PRKCE: variants seen among roughly 807,000 people sequenced by gnomAD.
PRKCE encodes the protein protein kinase C epsilon type.
PRKCE carries 16 observed loss-of-function variants against 85.4 expected under a neutral mutation model. That is an observed-to-expected ratio of 0.19 (90% confidence interval 0.13 to 0.28). The LOEUF is 0.28. Ranked by LOEUF, PRKCE falls within the 10% of genes least tolerant of loss-of-function variation. The pLI is 1.00. For synonymous variants in PRKCE, 388 were observed against 371.5 expected (o/e 1.04, Z -0.51); for missense variants, 573 against 975.2 (o/e 0.59, Z 5.49).
chr2:46,066,062 A>C (rs1667598132), intron 10 of PRKCE, among the ~76,000 whole-genome samples: 1 of 152,242 alleles, frequency 6.6e-6, no homozygotes, highest in South Asian at 2.1e-4. Context: ...CTGACAGTCC[A>C]ACTGTCATTT....
chr2:45,985,875 T>C (rs1286225515), intron 6 of PRKCE, among the ~76,000 whole-genome samples: 1 of 152,374 alleles, frequency 6.6e-6, no homozygotes, highest in East Asian at 1.9e-4. Context: ...TTGGACATTC[T>C]CACTGACAGT....
intron 2 of PRKCE, among the ~76,000 whole-genome samples, chr2:45,930,566 T>C (rs1002642004): frequency 6.6e-6 from 1 of 152,206 alleles, no homozygotes; most frequent in Admixed American, 6.5e-5. Flanking sequence ...CACCTTCCAA[T>C]TGGAATGCCT....
chr2:45,941,310 G>A (rs1326761685), intron 2 of PRKCE, among the ~76,000 whole-genome samples: 1 of 152,164 alleles, frequency 6.6e-6, no homozygotes, highest in African/African-American at 2.4e-5. Context: ...AGAGCTTAGT[G>A]ATCTGGGCAT....
chr2:46,097,362 C>CAA (rs200124135), intron 11 of PRKCE, among the ~76,000 whole-genome samples: 13 of 151,070 alleles, frequency 8.6e-5, no homozygotes, highest in Non-Finnish European at 4.4e-5. Flanking sequence ...ACTAAATATA[C>CAA]AAAAAAAATT....
intron 1 of PRKCE, among the ~76,000 whole-genome samples, chr2:45,668,879 G>A (rs1035908891): frequency 2.6e-5 from 4 of 152,120 alleles, no homozygotes; most frequent in African/African-American, 7.2e-5. Flanking sequence ...CGGCCCTTTC[G>A]TATACAGTTT....
chr2:45,717,378 A>G (rs1311613298), intron 1 of PRKCE, among the ~76,000 whole-genome samples: 1 of 152,098 alleles, frequency 6.6e-6, no homozygotes, highest in African/African-American at 2.4e-5. Flanking sequence ...TCAATCATCT[A>G]TCTCCCTACC....
Position 46,187,028 on chromosome 2 carries a change from G to T in PRKCE, c.*2147G>T, listed in dbSNP as rs1680495535. On this transcript the variant is annotated 3_prime_UTR_variant, in exon 15 of 15. Transcript: ENST00000306156. ...TGGAGAGAGACTATCTTCTGGAGTT[G>T]AGTACAAGCACAGAAACATCTTTAC... 1 of 152,612 alleles carries T rather than the reference G, an allele frequency of 6.6e-6. No homozygotes were observed. Among genetic ancestry groups the T allele is most frequent in the South Asian group, 2.1e-4 (1 of 4,826 alleles). 9.5% of individuals were successfully genotyped at this position (152,612 alleles called of 1,614,324 possible).
chr2:46,090,410 C>A (rs1670052192), intron 11 of PRKCE, among the ~76,000 whole-genome samples: 1 of 152,032 alleles, frequency 6.6e-6, no homozygotes, highest in Admixed American at 6.6e-5. Context: ...TTGCTTGTTC[C>A]CTCTGCCACC....
chr2:45,684,362 A>G (rs1012145869), intron 1 of PRKCE, among the ~76,000 whole-genome samples: 3 of 152,174 alleles, frequency 2.0e-5, no homozygotes, highest in Non-Finnish European at 4.4e-5. Flanking sequence ...GCTGGGGAGG[A>G]TCAGGGCTAT....
At chr2:46,140,667 T>G (rs1023664474) in intron 11 of PRKCE, among the ~76,000 whole-genome samples, 13 of 152,066 alleles carry the variant, frequency 8.5e-5, no homozygotes, top group African/African-American at 2.9e-4. Flanking sequence ...ATATAAAACA[T>G]CAGTTCAATT....
At chr2:45,924,324 T>G (rs149265707) in intron 2 of PRKCE, among the ~76,000 whole-genome samples, 7 of 152,346 alleles carry the variant, frequency 4.6e-5, no homozygotes, top group African/African-American at 1.7e-4. Context: ...AATAAATCCT[T>G]GCGCCAATTT....
chr2:46,093,229 G>A (rs1213141335), intron 11 of PRKCE, among the ~76,000 whole-genome samples: 1 of 152,196 alleles, frequency 6.6e-6, no homozygotes, highest in Non-Finnish European at 1.5e-5. Flanking sequence ...GGGCCTTGGA[G>A]ACTGCATAAT....
chr2:46,128,838 C>T (rs1674126052), intron 11 of PRKCE, among the ~76,000 whole-genome samples: 1 of 152,166 alleles, frequency 6.6e-6, no homozygotes, highest in South Asian at 2.1e-4. Context: ...GAGAGACCAC[C>T]AGAGAGTGAC....
At chr2:46,135,409 G>T (rs1674869431) in intron 11 of PRKCE, among the ~76,000 whole-genome samples, 1 of 152,186 alleles carries the variant, frequency 6.6e-6, no homozygotes, top group South Asian at 2.1e-4. Context: ...CTCACCACCT[G>T]TGTGTCCTGG....
chr2:45,871,822 C>T (rs142191703), intron 2 of PRKCE, among the ~76,000 whole-genome samples: 3 of 152,304 alleles, frequency 2.0e-5, no homozygotes, highest in East Asian at 3.9e-4. Flanking sequence ...TTCTTTCCCC[C>T]CTGCCAGAAC....
intron 1 of PRKCE, among the ~76,000 whole-genome samples, chr2:45,789,729 C>T (rs1344597671): frequency 2.0e-5 from 3 of 152,180 alleles, no homozygotes; most frequent in Middle Eastern, 6.3e-3. Context: ...TGAAAATACC[C>T]CTGCCACCCA....
At chr2:46,089,283 C>T (rs1251144085) in intron 11 of PRKCE, among the ~76,000 whole-genome samples, 3 of 152,196 alleles carry the variant, frequency 2.0e-5, no homozygotes, top group Non-Finnish European at 4.4e-5. Context: ...GTATATCCAG[C>T]ATTCCTCTAT....
intron 2 of PRKCE, among the ~76,000 whole-genome samples, chr2:45,876,154 C>T (rs186460223): frequency 9.8e-5 from 15 of 152,308 alleles, no homozygotes; most frequent in Admixed American, 9.8e-4. Flanking sequence ...GGTCTCCCTG[C>T]TTCCATCTCC....
At position 45,964,624 on chromosome 2, in the gene PRKCE, G is replaced by A. The variant is rs532830701; in HGVS notation, c.413-11805G>A. 3.7e-4 allele frequency among the ~76,000 whole-genome samples: 57 copies of A among 152,342 alleles called. 2 individuals carry two copies. The highest frequency in any genetic ancestry group is 2.3e-3 in the Admixed American group (35 of 15,304). On this transcript the variant is annotated intron_variant, in intron 2 of 14. Transcript: ENST00000306156. The stretch of plus-strand genomic sequence containing the variant: ...TGAATGGATGGAGGAGGGAATGAAC[G>A]AATGGGCGAATGAATGAATGAATGA...
Sources: gnomAD v4.1 joint callset for allele counts (sites outside exome capture counted in the v4.1 genomes callset) on GRCh38, gnomAD v4.1.1 for gene constraint, MANE v1.5 for transcripts, NCBI Gene and HGNC (gene_info 2026-07-23, HGNC 2026-07-21) for gene names.